The following ZNF239 variants were observed in gnomAD, a reference collection of about 807,000 sequenced individuals.
The protein encoded by ZNF239 is zinc finger protein (C2H2) homologous to mouse MOK-2.
Under a neutral mutation model 27.5 loss-of-function variants are expected in ZNF239, and 16 were observed. That is an observed-to-expected ratio of 0.58 (90% confidence interval 0.39 to 0.88). The LOEUF (loss-of-function observed/expected upper bound fraction) is 0.88. ZNF239 is among the 40% of genes least tolerant of loss of function. ZNF239 has a pLI of 0.00. For synonymous variants in ZNF239, 199 were observed against 192.6 expected, an observed-to-expected ratio of 1.03 and a Z score of -0.27; for missense variants, 527 against 551.9, an observed-to-expected ratio of 0.95 and a Z score of 0.45.
intron 2 of ZNF239, chr10:43,570,434 C>A: frequency 1.0e-6 from 1 of 985,282 alleles, no homozygotes; most frequent in Non-Finnish European, 1.2e-6. Flanking sequence ...CCCAACCAGA[C>A]CTTCTCTTCA....
At chr10:43,569,726 C>T (rs1837914519) in intron 2 of ZNF239, among the ~76,000 whole-genome samples, 1 of 152,084 alleles carries the variant, frequency 6.6e-6, no homozygotes, top group African/African-American at 2.4e-5. Context: ...TTTTCTTATT[C>T]ACTTGCTTTC....
chr10:43,561,212 G>T (rs1837224171), intron 3 of ZNF239, among the ~76,000 whole-genome samples: 2 of 151,996 alleles, frequency 1.3e-5, no homozygotes, highest in Admixed American at 6.6e-5. Flanking sequence ...AATGATCAAA[G>T]AAATAATAAC....
intron 2 of ZNF239, among the ~76,000 whole-genome samples, chr10:43,573,101 T>G (rs1838134768): frequency 6.6e-6 from 1 of 152,208 alleles, no homozygotes; most frequent in East Asian, 1.9e-4. Context: ...CATAGCCTAG[T>G]TGAAAAGCAT....
At position 43,561,267 on chromosome 10, in the gene ZNF239, C is replaced by T. The variant is rs116618232; in HGVS notation, c.-92-3096G>A. Among the ~76,000 whole-genome samples, 1,307 of 152,034 alleles carry T rather than the reference C, an allele frequency of 8.6e-3. 28 individuals carry two copies. The highest frequency in any genetic ancestry group is 0.029 in the African/African-American group (1,223 of 41,494). The stretch of plus-strand genomic sequence containing the variant: ...TTCAAGATTCAGGGCCCAATAAATG[C>T]TAAAAAATGGTATGTAAAAAGACCC... On this transcript the variant is annotated intron_variant, in intron 3 of 3. Transcript: ENST00000374446.
At chr10:43,563,850 C>A (rs771888776) in intron 3 of ZNF239, among the ~76,000 whole-genome samples, 6 of 151,940 alleles carry the variant, frequency 3.9e-5, no homozygotes, top group Non-Finnish European at 8.8e-5. Flanking sequence ...CTGGAGTGCA[C>A]TGGCACTATC....
At chr10:43,570,779 C>T (rs1339297884) in intron 2 of ZNF239, 3 of 935,114 alleles carry the variant, frequency 3.2e-6, no homozygotes, top group Non-Finnish European at 2.5e-6. Context: ...CTTTGTAGTA[C>T]AATTTTTGTC....
chr10:43,562,487 G>T (rs1022161726), intron 3 of ZNF239, among the ~76,000 whole-genome samples: 3 of 152,202 alleles, frequency 2.0e-5, no homozygotes, highest in South Asian at 4.1e-4. Context: ...AGACATGAAA[G>T]AAACTTTTCA....
In ZNF239 at chr10:43,556,586, A is replaced by C. The variant is rs937791144; in HGVS notation, c.*117T>G. On this transcript the variant is annotated 3_prime_UTR_variant, in exon 4 of 4. Coordinates refer to ENST00000374446, the MANE Select transcript of ZNF239 (RefSeq NM_001099282.2). ...ATGAGTGATTTTTCAGTGAGGGAAC[A>C]TATCTAAATAACCCTTACATCTCTC... The C allele has an allele frequency of 7.6e-7, 1 of 1,310,192 alleles. No individual in the cohort carries two copies. Among genetic ancestry groups the C allele is most frequent in the Non-Finnish European group, 1.0e-6 (1 of 972,956 alleles). 81.2% of individuals were successfully genotyped at this position (1,310,192 alleles called of 1,614,324 possible).
chr10:43,557,925 C>T lies in ZNF239; in HGVS notation c.155G>A (p.Ser52Asn). Reference sequence around the variant, plus strand: ...ACTTTCAATGTTTTCGAAACAACCACTTTGAAGAGTCATCACACTGTCCCT... The same window carrying T: ...ACTTTCAATGTTTTCGAAACAACCATTTTGAAGAGTCATCACACTGTCCCT... ...RNRDSVMTLQ[S>N]GCFENIESET... The change falls in exon 4 of 4, where the codon AGT becomes AAT. Residue 52 changes from serine (S) to asparagine (N), a missense_variant. Transcript: ENST00000374446. 6.2e-7 allele frequency: 1 copy of T among 1,614,184 alleles called. No individual in the cohort carries two copies. The highest frequency in any genetic ancestry group is 1.1e-5 in the South Asian group (1 of 91,088).
chr10:43,568,239 T>C, intron 2 of ZNF239: 1 of 985,490 alleles, frequency 1.0e-6, no homozygotes, highest in Non-Finnish European at 1.2e-6. Context: ...GCCCACAACA[T>C]ATCTACGCTC....
intron 3 of ZNF239, among the ~76,000 whole-genome samples, chr10:43,560,721 C>T (rs1322882768): frequency 6.8e-6 from 1 of 147,370 alleles, no homozygotes; most frequent in Non-Finnish European, 1.5e-5. Context: ...CTAGCCCAAT[C>T]AGCAGAAGTG....
intron 3 of ZNF239, 108 bp from the exon 4 acceptor site, chr10:43,558,279 T>C: frequency 9.5e-7 from 1 of 1,049,280 alleles, no homozygotes; most frequent in Non-Finnish European, 1.3e-6. Context: ...AAGTTCAGCT[T>C]GTCTTTATAG....
intron 2 of ZNF239, 97 bp from the exon 3 acceptor site, chr10:43,568,118 G>T (rs1385132953): frequency 1.0e-6 from 1 of 985,520 alleles, no homozygotes; most frequent in East Asian, 1.1e-4. Context: ...GGTAAGAAAG[G>T]TATAGAAGAA....
chr10:43,556,822 T>G lies in ZNF239; in HGVS notation c.1258A>C (p.Ile420Leu). Residue 420 changes from isoleucine to leucine, a missense_variant, in exon 4 of 4, where the codon ATC becomes CTC. Coordinates refer to ENST00000374446, the MANE Select transcript of ZNF239 (RefSeq NM_001099282.2). Reference sequence around the variant, plus strand: ...TCTCCAGTATGTACTCTCTGGTGGATGAGGAGTTTGGAACTCTGGCTAAAT... The same window carrying G: ...TCTCCAGTATGTACTCTCTGGTGGAGGAGGAGTTTGGAACTCTGGCTAAAT... ...KGFSQSSKLL[I>L]HQRVHTGEKP... 6.2e-7 allele frequency: 1 copy of G among 1,613,830 alleles called. No homozygotes were observed. Among genetic ancestry groups the G allele is most frequent in the South Asian group, 1.1e-5 (1 of 91,050 alleles).
intron 2 of ZNF239, chr10:43,571,032 C>CAACAGTCCACTGT: frequency 1.0e-6 from 1 of 984,958 alleles, no homozygotes; most frequent in Non-Finnish European, 1.2e-6. Context: ...GACTGAAACA[C>CAACAGTCCACTGT]TGAATAATCA....
intron 2 of ZNF239, among the ~76,000 whole-genome samples, chr10:43,573,273 T>C (rs573986925): frequency 1.3e-5 from 2 of 152,238 alleles, no homozygotes; most frequent in Non-Finnish European, 2.9e-5. Context: ...CACCGTGGTT[T>C]ATCATTCTAT....
chr10:43,557,605 C>T lies in ZNF239; in HGVS notation c.475G>A (p.Gly159Arg), dbSNP rs1287193210. Residue 159 changes from glycine to arginine, a missense_variant, in exon 4 of 4, where the codon GGA (glycine) becomes AGA (arginine). Gly to Arg is a moderately radical substitution (Grantham distance 125). Coordinates refer to ENST00000374446, the MANE Select transcript of ZNF239 (RefSeq NM_001099282.2). ...CAACTGACCACCTGTGATTTCCATC[C>T]ATGAATGTCTTTGCAGTTACAGTCA... Reference protein sequence around the residue: ...PIDCNCKDIHGWKSQVVSCSQ... With the variant: ...PIDCNCKDIHRWKSQVVSCSQ... 1 of 1,614,068 alleles carries T rather than the reference C, an allele frequency of 6.2e-7. No homozygotes were observed. The highest frequency in any genetic ancestry group is 1.3e-5 in the African/African-American group (1 of 74,934).
At chr10:43,570,111 G>T in intron 2 of ZNF239, 1 of 927,390 alleles carries the variant, frequency 1.1e-6, no homozygotes, top group Non-Finnish European at 1.3e-6. Flanking sequence ...GCTTTGGCCT[G>T]AGGCTAAAGA....
chr10:43,572,263 C>T (rs1016318305), intron 2 of ZNF239, among the ~76,000 whole-genome samples: 23 of 152,126 alleles, frequency 1.5e-4, no homozygotes, highest in Non-Finnish European at 2.6e-4. Context: ...CAGGCAGAAG[C>T]GAAGGAAGGA....
Sources: allele counts gnomAD v4.1 joint callset (sites outside exome capture counted in the v4.1 genomes callset), GRCh38; gene constraint gnomAD v4.1.1; transcripts MANE v1.5; gene names NCBI Gene and HGNC (gene_info 2026-07-23, HGNC 2026-07-21).